Variants in AKAP12 observed in about 807,000 individuals in gnomAD.
AKAP12 encodes the protein A-kinase anchoring protein 12.
AKAP12 carries 32 observed loss-of-function variants against 79.9 expected under a neutral mutation model. The ratio of observed to expected loss-of-function variants is 0.40; its 90% confidence interval spans 0.30 to 0.54. AKAP12 has a LOEUF of 0.54. AKAP12 is among the 20% of genes least tolerant of loss of function. The probability of loss-of-function intolerance (pLI) is 0.48; values close to 1 mark genes in which losing one functional copy is unlikely to be tolerated. For synonymous variants in AKAP12, 808 were observed against 857.0 expected (o/e 0.94, Z 1.00); for missense variants, 2,074 against 2,177.0 (o/e 0.95, Z 0.94).
At chr6:151,296,035 T>C (rs1404112179) in intron 2 of AKAP12, among the ~76,000 whole-genome samples, 2 of 152,196 alleles carry the variant, frequency 1.3e-5, no homozygotes, top group African/African-American at 4.8e-5. Flanking sequence ...GAAAGAAATA[T>C]CATGAAATTT....
At chr6:151,315,625 C>CT (rs1777216985) in intron 3 of AKAP12, among the ~76,000 whole-genome samples, 1 of 152,090 alleles carries the variant, frequency 6.6e-6, no homozygotes, top group African/African-American at 2.4e-5. Context: ...TCAGTGTCAC[C>CT]TAATTTATAG....
chr6:151,252,765 C>T (rs1228970870), intron 2 of AKAP12, among the ~76,000 whole-genome samples: 2 of 143,376 alleles, frequency 1.4e-5, no homozygotes, highest in Admixed American at 7.0e-5. Flanking sequence ...GATGAGAAAA[C>T]GAGATAAAAG....
chr6:151,245,328 AAG>A (rs1797048965), intron 2 of AKAP12, among the ~76,000 whole-genome samples: 1 of 151,636 alleles, frequency 6.6e-6, no homozygotes, highest in Non-Finnish European at 1.5e-5. Context: ...AAAAAAAAAA[AAG>A]CAACTAAATT....
chr6:151,349,618 A>T lies in AKAP12; in HGVS notation c.1227A>T (p.Glu409Asp), dbSNP rs1442481460. The change falls in exon 4 of 5, where the codon GAA becomes GAT. Residue 409 changes from glutamate (E) to aspartate (D), a missense_variant. Transcript: ENST00000402676. ...LATEVFDEKI[E>D]VHQEEVVAEV... Reference sequence around the variant, plus strand: ...CAGAAGTGTTTGATGAGAAAATAGAAGTCCACCAAGAAGAGGTTGTGGCCG... The same window carrying T: ...CAGAAGTGTTTGATGAGAAAATAGATGTCCACCAAGAAGAGGTTGTGGCCG... 10 of 1,611,152 alleles carry T rather than the reference A, an allele frequency of 6.2e-6. No homozygotes were observed. Among genetic ancestry groups the T allele is most frequent in the Non-Finnish European group, 6.8e-6 (8 of 1,179,154 alleles).
rs80107866 is a variant in AKAP12, at chr6:151,338,177, C to G, written c.320-10534C>G. Among the ~76,000 whole-genome samples the G allele has an allele frequency of 9.2e-4, 140 of 152,322 alleles. 1 individual carries two copies. The East Asian group carries it at 0.024, about 26-fold the overall frequency. ...GTTATTGACAGTTATCAATATCATACATTTACGTTATTACAGAACTTTTCT... is the reference window on the plus strand; with the variant it reads ...GTTATTGACAGTTATCAATATCATAGATTTACGTTATTACAGAACTTTTCT... On this transcript the variant is annotated intron_variant, in intron 3 of 4. Transcript: ENST00000402676.
intron 2 of AKAP12, among the ~76,000 whole-genome samples, chr6:151,242,710 A>G (rs752579916): frequency 3.3e-5 from 5 of 152,186 alleles, no homozygotes; most frequent in Non-Finnish European, 5.9e-5. Flanking sequence ...CCGTGGCACC[A>G]TGGACCCGTC....
At chr6:151,311,117 G>A (rs1397376677) in intron 3 of AKAP12, among the ~76,000 whole-genome samples, 3 of 152,174 alleles carry the variant, frequency 2.0e-5, no homozygotes, top group Admixed American at 6.5e-5. Context: ...AGAGGCATGT[G>A]CCACTGCGCC....
chr6:151,317,055 A>G (rs901710631), intron 3 of AKAP12, among the ~76,000 whole-genome samples: 4 of 152,182 alleles, frequency 2.6e-5, no homozygotes, highest in African/African-American at 7.2e-5. Context: ...TAGGACTTCA[A>G]ATGTGAATTT....
intron 3 of AKAP12, chr6:151,324,341 G>C (rs565020517): frequency 3.3e-4 from 323 of 985,256 alleles, no homozygotes; most frequent in Non-Finnish European, 3.8e-4. Context: ...GCTGATTTTT[G>C]TAACAAGGTC....
intron 3 of AKAP12, among the ~76,000 whole-genome samples, chr6:151,321,855 C>A (rs1706646875): frequency 6.6e-6 from 1 of 151,718 alleles, no homozygotes; most frequent in Admixed American, 6.6e-5. Context: ...GTCTTCCTTG[C>A]CCCCCGCCAC....
At chr6:151,314,460 C>T (rs545103509) in intron 3 of AKAP12, among the ~76,000 whole-genome samples, 7 of 152,256 alleles carry the variant, frequency 4.6e-5, no homozygotes, top group Middle Eastern at 3.4e-3. Context: ...AGATAAATCC[C>T]TTCACAAATG....
intron 2 of AKAP12, among the ~76,000 whole-genome samples, chr6:151,285,672 A>T (rs566058358): frequency 1.3e-5 from 2 of 152,144 alleles, no homozygotes; most frequent in Non-Finnish European, 2.9e-5. Flanking sequence ...ATCACAGTCT[A>T]TCATTTGGGT....
At chr6:151,263,171 G>C (rs1168105980) in intron 2 of AKAP12, among the ~76,000 whole-genome samples, 1 of 152,096 alleles carries the variant, frequency 6.6e-6, no homozygotes, top group Non-Finnish European at 1.5e-5. Flanking sequence ...GAGTAGCTGG[G>C]ACTATGGGCA....
At chr6:151,347,963 A>T (rs1029437832) in intron 3 of AKAP12, among the ~76,000 whole-genome samples, 2 of 151,900 alleles carry the variant, frequency 1.3e-5, no homozygotes, top group Non-Finnish European at 2.9e-5. Context: ...CGAGGTCAGA[A>T]GATCGAGACC....
chr6:151,291,290 C>T (rs1247946581), intron 2 of AKAP12, among the ~76,000 whole-genome samples: 1 of 152,188 alleles, frequency 6.6e-6, no homozygotes, highest in African/African-American at 2.4e-5. Flanking sequence ...ACCCCTCGTT[C>T]TATAGGCTCA....
chr6:151,250,198 T>C (rs1797147105), intron 2 of AKAP12, among the ~76,000 whole-genome samples: 1 of 151,378 alleles, frequency 6.6e-6, no homozygotes, highest in African/African-American at 2.4e-5. Flanking sequence ...AGACCCTGTC[T>C]CAAAAAAATA....
At chr6:151,272,621 T>G (rs1236716061) in intron 2 of AKAP12, among the ~76,000 whole-genome samples, 1 of 152,120 alleles carries the variant, frequency 6.6e-6, no homozygotes, top group Non-Finnish European at 1.5e-5. Context: ...CTGCAACCTC[T>G]GCCTCCTGGG....
At chr6:151,324,405 G>T in intron 3 of AKAP12, 1 of 985,394 alleles carries the variant, frequency 1.0e-6, no homozygotes, top group Non-Finnish European at 1.2e-6. Flanking sequence ...CCCGAGTGTG[G>T]TGCATCGCGC....
At position 151,342,596 on chromosome 6, in the gene AKAP12, A is replaced by G. The variant is rs531854538; in HGVS notation, c.320-6115A>G. ...GGAGGCGCCCGAAGATTGTTCTGAC[A>G]ATTGTAGCTCTTAGGATTACTTATG... On this transcript the variant is annotated intron_variant, in intron 3 of 4. Transcript: ENST00000402676. Among the ~76,000 whole-genome samples, 18 of 152,322 alleles carry G rather than the reference A, an allele frequency of 1.2e-4. No individual in the cohort carries two copies. In the South Asian group the frequency reaches 3.7e-3, roughly 32 times the overall value.
Sources: gnomAD v4.1 joint callset for allele counts (sites outside exome capture counted in the v4.1 genomes callset) on GRCh38, gnomAD v4.1.1 for gene constraint, MANE v1.5 for transcripts, NCBI Gene and HGNC (gene_info 2026-07-23, HGNC 2026-07-21) for gene names.